The following MACROD2 variants were observed in gnomAD, a reference collection of about 807,000 sequenced individuals.
MACROD2 encodes mono-ADP ribosylhydrolase 2, also known as ADP-ribose glycohydrolase MACROD2.
MACROD2 carries 36 observed loss-of-function variants against 70.4 expected under a neutral mutation model. That is an observed-to-expected ratio of 0.51 (90% confidence interval 0.39 to 0.68). The LOEUF (loss-of-function observed/expected upper bound fraction) is 0.68, where lower values mean the gene tolerates loss of function less well. MACROD2 is among the 30% of genes least tolerant of loss of function. MACROD2 has a pLI of 0.00. For missense variants in MACROD2, 496 were observed against 538.4 expected, an observed-to-expected ratio of 0.92 and a Z score of 0.78; for synonymous variants, 172 against 178.8, an observed-to-expected ratio of 0.96 and a Z score of 0.30.
intron 5 of MACROD2, among the ~76,000 whole-genome samples, chr20:14,781,899 G>A (rs1248770623): frequency 6.6e-6 from 1 of 151,606 alleles, no homozygotes; most frequent in Non-Finnish European, 1.5e-5. Context: ...CTGTGTTGTA[G>A]TGGGCTAAAA....
At chr20:15,167,262 T>C (rs1463683885) in intron 5 of MACROD2, among the ~76,000 whole-genome samples, 1 of 152,180 alleles carries the variant, frequency 6.6e-6, no homozygotes, top group South Asian at 2.1e-4. Flanking sequence ...CAAAGTATTG[T>C]ATATCTCAGG....
chr20:15,569,644 T>C (rs2048351723), intron 8 of MACROD2, among the ~76,000 whole-genome samples: 1 of 152,180 alleles, frequency 6.6e-6, no homozygotes, highest in South Asian at 2.1e-4. Context: ...TCATGCAGCA[T>C]TTGTTTTTTC....
intron 12 of MACROD2, among the ~76,000 whole-genome samples, chr20:15,941,941 T>G (rs762198394): frequency 6.6e-6 from 1 of 152,160 alleles, no homozygotes; most frequent in Non-Finnish European, 1.5e-5. Context: ...CACAGGAAAT[T>G]AGCATCTTCT....
chr20:15,530,615 C>G (rs1191326725), intron 8 of MACROD2, among the ~76,000 whole-genome samples: 1 of 151,164 alleles, frequency 6.6e-6, no homozygotes, highest in African/African-American at 2.4e-5. Flanking sequence ...GCCTGTAGTC[C>G]CAGCTACTCA....
chr20:14,052,221 C>T (rs1173009711), intron 2 of MACROD2, among the ~76,000 whole-genome samples: 6 of 151,916 alleles, frequency 3.9e-5, no homozygotes, highest in Non-Finnish European at 7.4e-5. Flanking sequence ...TTTCTGTTCC[C>T]GTACAACTTT....
chr20:14,575,506 G>C (rs1324034391), intron 4 of MACROD2, among the ~76,000 whole-genome samples: 3 of 152,174 alleles, frequency 2.0e-5, no homozygotes, highest in Admixed American at 2.0e-4. Flanking sequence ...CCCTGAAATA[G>C]TGTCAGGAAT....
chr20:15,819,238 C>T (rs144005903), intron 8 of MACROD2, among the ~76,000 whole-genome samples: 14 of 107,884 alleles, frequency 1.3e-4, no homozygotes, highest in Non-Finnish European at 2.5e-4. Flanking sequence ...TTTATATATA[C>T]AAACATATAT....
intron 5 of MACROD2, among the ~76,000 whole-genome samples, chr20:14,884,952 G>T (rs1483182048): frequency 6.6e-6 from 1 of 152,032 alleles, no homozygotes; most frequent in African/African-American, 2.4e-5. Context: ...ATCCACCTAT[G>T]ACCTGAAAGC....
intron 2 of MACROD2, among the ~76,000 whole-genome samples, chr20:14,035,759 G>T (rs1054442992): frequency 6.6e-6 from 1 of 152,150 alleles, no homozygotes; most frequent in African/African-American, 2.4e-5. Flanking sequence ...TTTCCTGTCG[G>T]TTCCCAAAAT....
chr20:15,959,676 C>T (rs965367540), intron 12 of MACROD2, among the ~76,000 whole-genome samples: 2 of 152,000 alleles, frequency 1.3e-5, no homozygotes, highest in South Asian at 4.2e-4. Context: ...ACTACAGGCA[C>T]CCTTCACCAC....
intron 8 of MACROD2, among the ~76,000 whole-genome samples, chr20:15,659,304 C>CTTTTTTT (rs11468344): frequency 5.9e-5 from 4 of 67,266 alleles, no homozygotes; most frequent in Non-Finnish European, 7.7e-5. Flanking sequence ...GATAGCACAG[C>CTTTTTTT]TTTTTTTTTT....
At chr20:15,758,124 T>C (rs1022576451) in intron 8 of MACROD2, among the ~76,000 whole-genome samples, 2 of 151,956 alleles carry the variant, frequency 1.3e-5, no homozygotes, top group African/African-American at 4.9e-5. Flanking sequence ...CAAATAATTG[T>C]TGGGTATTTA....
intron 5 of MACROD2, among the ~76,000 whole-genome samples, chr20:15,105,089 C>A (rs73096056): frequency 0.25 from 37,815 of 152,040 alleles, 6,025 homozygotes; most frequent in Non-Finnish European, 0.36. Context: ...ATATAGGTTT[C>A]TTTTAGTTGC....
At chr20:15,874,089 C>T (rs1252126275) in intron 9 of MACROD2, among the ~76,000 whole-genome samples, 28 of 145,516 alleles carry the variant, frequency 1.9e-4, no homozygotes, top group Admixed American at 1.8e-3. Context: ...CAACAGGCCC[C>T]AGTGTGTGAT....
intron 2 of MACROD2, among the ~76,000 whole-genome samples, chr20:14,057,141 C>G (rs2053639530): frequency 6.6e-6 from 1 of 152,074 alleles, no homozygotes; most frequent in Admixed American, 6.5e-5. Flanking sequence ...AAATAAGCCC[C>G]TAGAGGACAG....
chr20:14,527,212 C>T (rs529038279), intron 4 of MACROD2, among the ~76,000 whole-genome samples: 4 of 152,266 alleles, frequency 2.6e-5, no homozygotes, highest in Admixed American at 6.5e-5. Context: ...GTGTGTTCTC[C>T]GCTGATGTGC....
chr20:14,871,024 T>A (rs1237533666), intron 5 of MACROD2, among the ~76,000 whole-genome samples: 1 of 152,124 alleles, frequency 6.6e-6, no homozygotes, highest in Non-Finnish European at 1.5e-5. Flanking sequence ...TCTTTGCCCA[T>A]TCCTATGTCC....
At chr20:15,714,707 T>A (rs2050681662) in intron 8 of MACROD2, among the ~76,000 whole-genome samples, 1 of 152,198 alleles carries the variant, frequency 6.6e-6, no homozygotes. Flanking sequence ...ATATACTTTT[T>A]AAAAATTTTT....
intron 3 of MACROD2, among the ~76,000 whole-genome samples, chr20:14,170,823 C>T (rs1424300894): frequency 1.3e-5 from 2 of 151,950 alleles, no homozygotes; most frequent in Non-Finnish European, 2.9e-5. Context: ...TTATTATGTG[C>T]TTTTCTGGTT....
Sources: allele counts gnomAD v4.1 joint callset (sites outside exome capture counted in the v4.1 genomes callset), GRCh38; gene constraint gnomAD v4.1.1; transcripts MANE v1.5; gene names NCBI Gene and HGNC (gene_info 2026-07-23, HGNC 2026-07-21).